The following SYNE2 variants were observed in gnomAD, a reference collection of about 807,000 sequenced individuals.
SYNE2 encodes the protein spectrin repeat containing nuclear envelope protein 2.
A neutral mutation model predicts 856.3 loss-of-function variants in SYNE2; 431 were observed. The observed-to-expected ratio is 0.50, with a 90% CI of 0.47 to 0.55. The LOEUF (loss-of-function observed/expected upper bound fraction) is 0.55, where lower values mean the gene tolerates loss of function less well. Among genes scored for constraint, SYNE2 ranks in the 20% least tolerant of loss-of-function variants. The pLI is 0.00. For missense variants in SYNE2, 8,129 were observed against 8,023.2 expected (o/e 1.01, Z -0.50); for synonymous variants, 2,923 against 2,872.3 (o/e 1.02, Z -0.56).
At chr14:64,086,883 T>A (rs1309438555) in intron 57 of SYNE2, among the ~76,000 whole-genome samples, 10 of 151,626 alleles carry the variant, frequency 6.6e-5, no homozygotes, top group Admixed American at 5.3e-4. Context: ...CTAATTTTTG[T>A]ATTTTTAGTA....
At chr14:63,789,316 TTCCTGTG>T (rs1887648838) in intron 1 of SYNE2, among the ~76,000 whole-genome samples, 1 of 152,216 alleles carries the variant, frequency 6.6e-6, no homozygotes, top group South Asian at 2.1e-4. Flanking sequence ...GATCTCCTGT[TTCCTGTG>T]TCCTATGTCA....
rs200589773 is a variant in SYNE2 at position 63,943,666 on chromosome 14, CTTA to C, written c.408+1535_408+1537del. Among the ~76,000 whole-genome samples, 146 of 46,110 alleles carry C rather than the reference CTTA, an allele frequency of 3.2e-3. 1 individual carries two copies. Among genetic ancestry groups the C allele is most frequent in the Admixed American group, 8.8e-3 (30 of 3,396 alleles). 30.2% of individuals were successfully genotyped at this position (46,110 alleles called of 152,430 possible). ...TTTATTTATTTTTATTTTTTTATTA[CTTA>C]TTATTATTATTTTTTTTTTGAGACA... On this transcript the variant is annotated intron_variant, in intron 6 of 115. Coordinates refer to ENST00000555002, the MANE Select transcript of SYNE2 (RefSeq NM_182914.3).
chr14:63,892,883 GT>G (rs1157519140), intron 1 of SYNE2, among the ~76,000 whole-genome samples: 1 of 151,878 alleles, frequency 6.6e-6, no homozygotes, highest in East Asian at 1.9e-4. Context: ...TATTTATTTA[GT>G]TTTTAAATTT....
Position 64,021,369 on chromosome 14 carries a change from G to A in SYNE2, c.5206G>A (p.Gly1736Arg), listed in dbSNP as rs1224673831. ...KMEHVQKCLT[G>R]ESNCHALSGS... ...GGAACATGTACAGAAGTGCTTAACA[G>A]GAGAATCCAACTGCCATGCACTCAG... Residue 1736 changes from glycine to arginine, a missense_variant, in exon 36 of 116, where the codon GGA becomes AGA. By Grantham distance (125) the Gly-to-Arg change is moderately radical (BLOSUM62 -2). Around this residue, in one of 3 missense-constraint regions of SYNE2, gnomAD observed 2,422 missense variants for 2,357.4 expected, o/e 1.03. Transcript: ENST00000555002. 6.2e-7 allele frequency: 1 copy of A among 1,614,160 alleles called. No individual in the cohort carries two copies. The highest frequency in any genetic ancestry group is 1.1e-5 in the South Asian group (1 of 91,088).
rs759617918 is a variant in SYNE2 at position 63,880,842 on chromosome 14, T to A, written c.-52+27699T>A. Among the ~76,000 whole-genome samples the A allele has an allele frequency of 4.0e-5, 6 of 151,546 alleles. No individual in the cohort carries two copies. In the East Asian group the frequency reaches 5.8e-4, roughly 15 times the overall value. ...CATGTGCCACTGTGACTGGCTAATT[T>A]AAAAAAAATTTTTTTTTTTTTTGAG... On this transcript the variant is annotated intron_variant, in intron 1 of 115. Transcript: ENST00000555002.
At chr14:64,207,925 A>G (rs1300719336) in intron 100 of SYNE2, 1 of 447,144 alleles carries the variant, frequency 2.2e-6, no homozygotes, top group South Asian at 1.6e-5. Flanking sequence ...CAGAATGGCA[A>G]AACAGGTTCC....
At chr14:64,203,200 T>G (rs545330130) in intron 100 of SYNE2, among the ~76,000 whole-genome samples, 2 of 152,382 alleles carry the variant, frequency 1.3e-5, no homozygotes, top group Non-Finnish European at 2.9e-5. Context: ...ATGCAAACCT[T>G]AATCTTGGTG....
chr14:63,902,898 G>A (rs1423442295), intron 1 of SYNE2, among the ~76,000 whole-genome samples: 5 of 151,858 alleles, frequency 3.3e-5, no homozygotes, highest in African/African-American at 9.7e-5. Context: ...GGCTGGTTTC[G>A]AAGTCCTGGT....
At chr14:64,193,670 A>C (rs775074495) in intron 99 of SYNE2, among the ~76,000 whole-genome samples, 10 of 152,256 alleles carry the variant, frequency 6.6e-5, no homozygotes, top group Non-Finnish European at 1.2e-4. Context: ...GCCTCAATAA[A>C]TCAGTTTTAA....
chr14:64,072,057 G>A (rs2097414407), intron 52 of SYNE2, among the ~76,000 whole-genome samples: 1 of 152,140 alleles, frequency 6.6e-6, no homozygotes, highest in African/African-American at 2.4e-5. Flanking sequence ...CTACCATGAA[G>A]ATATGCCATA....
intron 34 of SYNE2, 95 bp from the exon 35 acceptor site, chr14:64,019,897 C>T: frequency 1.2e-6 from 1 of 845,862 alleles, no homozygotes; most frequent in Non-Finnish European, 2.0e-6. Flanking sequence ...TTCAAGGGCT[C>T]TCTCAGTTTC....
intron 2 of SYNE2, among the ~76,000 whole-genome samples, chr14:63,931,317 C>G (rs545143299): frequency 1.3e-5 from 2 of 152,012 alleles, no homozygotes; most frequent in East Asian, 3.9e-4. Context: ...TTTGGGAGAC[C>G]GAGGCAGGTG....
In SYNE2 at chr14:64,007,024, T is replaced by G; in HGVS notation, c.4398-19T>G. The stretch of plus-strand genomic sequence containing the variant: ...GGTTAACAGTTGGCTATCAAACTTT[T>G]TTCTCATTCATAATCAAGGAAAAAA... On this transcript the variant is annotated intron_variant, in intron 30 of 115. Coordinates refer to ENST00000555002, the MANE Select transcript of SYNE2 (RefSeq NM_182914.3). 6.2e-7 allele frequency: 1 copy of G among 1,604,432 alleles called. No homozygotes were observed. Among genetic ancestry groups the G allele is most frequent in the East Asian group, 2.2e-5 (1 of 44,820 alleles).
At chr14:63,983,244 C>A (rs1014528238) in intron 17 of SYNE2, among the ~76,000 whole-genome samples, 3 of 152,242 alleles carry the variant, frequency 2.0e-5, no homozygotes, top group Admixed American at 2.0e-4. Context: ...CATTTGAGTT[C>A]TTTTAACTTT....
chr14:64,140,896 G>GT (rs368961338), intron 80 of SYNE2, among the ~76,000 whole-genome samples: 2,867 of 146,912 alleles, frequency 0.02, 52 homozygotes, highest in African/African-American at 0.042. Flanking sequence ...GACTTTTCCT[G>GT]TTTTTTTTTT....
At position 64,225,417 on chromosome 14, in the gene SYNE2, C is replaced by T; in HGVS notation, c.20615C>T (p.Ala6872Val). 1.2e-6 allele frequency: 2 copies of T among 1,614,104 alleles called. No individual in the cohort carries two copies. Among genetic ancestry groups the T allele is most frequent in the South Asian group, 2.2e-5 (2 of 91,076 alleles). Residue 6872 changes from alanine (A) to valine (V), a missense_variant, in exon 116 of 116, where the codon GCC (alanine) becomes GTC (valine). By Grantham distance (64) the Ala-to-Val change is moderately conservative (BLOSUM62 0). Transcript: ENST00000555002. ...CTCCTCCTGCTGCTGCTGCTCCTGG[C>T]CTGCCTGCTGCCCTCCTCCGAAGAA... ...QLLLLLLLLL[A>V]CLLPSSEEDY...
intron 51 of SYNE2, among the ~76,000 whole-genome samples, chr14:64,068,861 CAAAAA>C (rs10546690): frequency 9.1e-5 from 7 of 76,640 alleles, no homozygotes; most frequent in African/African-American, 1.8e-4. Flanking sequence ...GACTCCGTCT[CAAAAA>C]AAAAAAAAAA....
intron 35 of SYNE2, among the ~76,000 whole-genome samples, chr14:64,020,452 G>C (rs916366475): frequency 3.9e-5 from 6 of 152,032 alleles, no homozygotes; most frequent in African/African-American, 1.4e-4. Flanking sequence ...AATAAAATTA[G>C]GATCATTTAT....
chr14:63,817,629 A>G (rs1362973098), intron 1 of SYNE2, among the ~76,000 whole-genome samples: 1 of 152,198 alleles, frequency 6.6e-6, no homozygotes, highest in African/African-American at 2.4e-5. Context: ...CAATAAACCA[A>G]TGTAACATAT....
Sources: gnomAD v4.1 joint callset for allele counts (sites outside exome capture counted in the v4.1 genomes callset) on GRCh38, gnomAD v4.1.1 for gene constraint, gnomAD v4.1.1 regional missense constraint, MANE v1.5 for transcripts, NCBI Gene and HGNC (gene_info 2026-07-23, HGNC 2026-07-21) for gene names.